The following MARCHF1 variants were observed in gnomAD, a reference collection of about 807,000 sequenced individuals.
MARCHF1 encodes the protein membrane associated ring-CH-type finger 1.
In MARCHF1, 40 loss-of-function variants were observed where a neutral mutation model predicts 54.2. The observed-to-expected ratio is 0.74, with a 90% CI of 0.57 to 0.96. MARCHF1 has a LOEUF of 0.96. Ranked by LOEUF, MARCHF1 falls within the 40% of genes least tolerant of loss-of-function variation. The pLI, the probability that MARCHF1 is intolerant of heterozygous loss-of-function variation, is 0.00. For missense variants in MARCHF1, 586 were observed against 656.5 expected, an observed-to-expected ratio of 0.89 and a Z score of 1.17; for synonymous variants, 236 against 236.3, an observed-to-expected ratio of 1.00 and a Z score of 0.01.
intron 3 of MARCHF1, among the ~76,000 whole-genome samples, chr4:163,960,758 A>G (rs1243609608): frequency 1.1e-4 from 16 of 151,316 alleles, no homozygotes; most frequent in Non-Finnish European, 5.9e-5. Context: ...CCTCTGTTAC[A>G]TGTGTTTACC....
At chr4:163,825,478 C>G (rs909077664) in intron 4 of MARCHF1, among the ~76,000 whole-genome samples, 5 of 151,966 alleles carry the variant, frequency 3.3e-5, no homozygotes, top group Non-Finnish European at 5.9e-5. Flanking sequence ...ATTGTTGGGT[C>G]AAATGGTAAT....
intron 1 of MARCHF1, among the ~76,000 whole-genome samples, chr4:164,173,404 A>C (rs911635395): frequency 6.6e-6 from 1 of 152,218 alleles, no homozygotes; most frequent in Non-Finnish European, 1.5e-5. Flanking sequence ...ACTGAATGTC[A>C]TAAGTACAGA....
intron 3 of MARCHF1, among the ~76,000 whole-genome samples, chr4:163,885,074 A>G (rs533311407): frequency 3.3e-5 from 5 of 152,304 alleles, no homozygotes; most frequent in Admixed American, 2.6e-4. Context: ...CTTAGAAGGA[A>G]AAAACAATAT....
intron 5 of MARCHF1, among the ~76,000 whole-genome samples, chr4:163,654,796 G>A (rs963682181): frequency 6.6e-6 from 1 of 151,514 alleles, no homozygotes; most frequent in African/African-American, 2.4e-5. Flanking sequence ...TTGCTTTCTT[G>A]AGTCACTTTT....
Position 164,008,606 on chromosome 4 carries a change from A to T in MARCHF1, c.-247-19897T>A, listed in dbSNP as rs116053875. Reference sequence around the variant, plus strand: ...GGCAAAAATACAAGTCTGAACAAATAAAAAAAAGGCAGAAATCATGTCAAC... The same window carrying T: ...GGCAAAAATACAAGTCTGAACAAATTAAAAAAAGGCAGAAATCATGTCAAC... On this transcript the variant is annotated intron_variant, in intron 2 of 9. Coordinates refer to ENST00000514618, the MANE Select transcript of MARCHF1 (RefSeq NM_001394959.1). Among the ~76,000 whole-genome samples the T allele has an allele frequency of 4.6e-3, 692 of 151,396 alleles. 5 individuals are homozygous for T. The highest frequency in any genetic ancestry group is 0.016 in the African/African-American group (653 of 41,490).
chr4:163,881,309 C>A (rs1466534497), intron 3 of MARCHF1, among the ~76,000 whole-genome samples: 2 of 151,994 alleles, frequency 1.3e-5, no homozygotes, highest in African/African-American at 4.8e-5. Context: ...ACCCCGTCTC[C>A]ACTAAAAGAA....
At chr4:164,308,337 C>T (rs1464387665) in intron 1 of MARCHF1, among the ~76,000 whole-genome samples, 1 of 152,110 alleles carries the variant, frequency 6.6e-6, no homozygotes, top group African/African-American at 2.4e-5. Context: ...TAGGAAATAA[C>T]CTATTTGCTA....
chr4:163,914,327 T>A (rs1416300544), intron 3 of MARCHF1, among the ~76,000 whole-genome samples: 4 of 152,082 alleles, frequency 2.6e-5, no homozygotes, highest in Admixed American at 6.6e-5. Context: ...ATTTAGAAAA[T>A]TATGACATGT....
rs1753154141 is a variant in MARCHF1, at chr4:163,999,936, TA to T, written c.-247-11228del. ...CTCTGTCTGATACCAAAAAACTTAA[TA>T]ACAACATGTTAATAAAGAGTTCTGA... On this transcript the variant is annotated intron_variant, in intron 2 of 9. Coordinates refer to ENST00000514618, the MANE Select transcript of MARCHF1 (RefSeq NM_001394959.1). Among the ~76,000 whole-genome samples the T allele has an allele frequency of 2.6e-5, 4 of 151,740 alleles. No homozygotes were observed. The South Asian group carries it at 8.3e-4, about 31-fold the overall frequency.
chr4:164,189,343 A>G (rs569168427), intron 1 of MARCHF1: 84 of 614,952 alleles, frequency 1.4e-4, no homozygotes, highest in Non-Finnish European at 2.1e-4. Context: ...TGAGACCCTG[A>G]CTCAGGCCAA....
At chr4:163,566,566 C>T (rs1225190879) in intron 8 of MARCHF1, among the ~76,000 whole-genome samples, 5 of 152,136 alleles carry the variant, frequency 3.3e-5, no homozygotes, top group Non-Finnish European at 7.4e-5. Flanking sequence ...TATTTTCTTT[C>T]TCCTGGGTGA....
At chr4:164,107,812 T>C (rs557331201) in intron 2 of MARCHF1, among the ~76,000 whole-genome samples, 1 of 43,846 alleles carries the variant, frequency 2.3e-5, no homozygotes, top group East Asian at 2.5e-4. Context: ...AAAATGTCGA[T>C]AATACAAAAA....
At chr4:163,954,037 T>A (rs1182355619) in intron 3 of MARCHF1, among the ~76,000 whole-genome samples, 3 of 152,126 alleles carry the variant, frequency 2.0e-5, no homozygotes, top group Non-Finnish European at 4.4e-5. Flanking sequence ...AATTTCCTGA[T>A]AACAAAAATG....
chr4:163,832,070 CTATTACG>C (rs1749040688), intron 4 of MARCHF1, among the ~76,000 whole-genome samples: 1 of 152,106 alleles, frequency 6.6e-6, no homozygotes, highest in Admixed American at 6.5e-5. Flanking sequence ...AATTAGGAAG[CTATTACG>C]ATGAAGGCAT....
chr4:163,643,723 A>G (rs1742648847), intron 5 of MARCHF1, among the ~76,000 whole-genome samples: 1 of 152,236 alleles, frequency 6.6e-6, no homozygotes, highest in Non-Finnish European at 1.5e-5. Flanking sequence ...TTGAATAATT[A>G]GCAATGACTT....
intron 3 of MARCHF1, among the ~76,000 whole-genome samples, chr4:163,906,840 C>T (rs984490911): frequency 6.6e-6 from 1 of 151,866 alleles, no homozygotes; most frequent in Admixed American, 6.6e-5. Context: ...CCCTCCCCCC[C>T]CACATAATAA....
intron 1 of MARCHF1, among the ~76,000 whole-genome samples, chr4:164,265,695 T>C (rs1171473189): frequency 6.6e-6 from 1 of 152,030 alleles, no homozygotes; most frequent in Non-Finnish European, 1.5e-5. Context: ...AATAACTCTT[T>C]GTCTCTTTCC....
chr4:163,793,791 C>T (rs1046548201), intron 4 of MARCHF1, among the ~76,000 whole-genome samples: 1 of 152,112 alleles, frequency 6.6e-6, no homozygotes, highest in African/African-American at 2.4e-5. Context: ...GTGCATGCAG[C>T]CCCCAGTCAC....
At chr4:164,051,195 T>G (rs1009381718) in intron 2 of MARCHF1, among the ~76,000 whole-genome samples, 7 of 152,202 alleles carry the variant, frequency 4.6e-5, no homozygotes, top group Non-Finnish European at 1.0e-4. Context: ...GATGCTCATC[T>G]CAAAGGTTTA....
Sources: gnomAD v4.1 joint callset for allele counts (sites outside exome capture counted in the v4.1 genomes callset) on GRCh38, gnomAD v4.1.1 for gene constraint, MANE v1.5 for transcripts, NCBI Gene and HGNC (gene_info 2026-07-23, HGNC 2026-07-21) for gene names.